The following PDE7B variants were observed in gnomAD, a reference collection of about 807,000 sequenced individuals.
PDE7B encodes the protein phosphodiesterase 7B.
In PDE7B, 29 loss-of-function variants were observed where a neutral mutation model predicts 56.2. The ratio of observed to expected loss-of-function variants is 0.52; its 90% CI spans 0.38 to 0.70. The LOEUF (loss-of-function observed/expected upper bound fraction) is 0.70, where lower values mean the gene tolerates loss of function less well. PDE7B is among the 30% of genes least tolerant of loss of function. The pLI, the probability that PDE7B is intolerant of heterozygous loss-of-function variation, is 0.00. For missense variants in PDE7B, 490 were observed against 565.0 expected, an observed-to-expected ratio of 0.87 and a Z score of 1.35; for synonymous variants, 197 against 196.9, an observed-to-expected ratio of 1.00 and a Z score of 0.00.
intron 2 of PDE7B, among the ~76,000 whole-genome samples, chr6:135,976,765 T>C (rs1775193435): frequency 6.6e-6 from 1 of 152,204 alleles, no homozygotes; most frequent in African/African-American, 2.4e-5. Context: ...CAGTCTGATC[T>C]GCAAATAGTA....
In PDE7B at chr6:136,129,510, C is replaced by T. The variant is rs1432025178; in HGVS notation, c.167-17841C>T. Among the ~76,000 whole-genome samples, 3 of 152,310 alleles carry T rather than the reference C, an allele frequency of 2.0e-5. No individual in the cohort carries two copies. In the South Asian group the frequency reaches 6.2e-4, roughly 32 times the overall value. On this transcript the variant is annotated intron_variant, in intron 3 of 12. Transcript: ENST00000308191. Reference sequence around the variant, plus strand: ...ACCACACCCCTCCCCACTCCCCACCCGAAGGCCACTGTTTTTGGCTCTTGC... The same window carrying T: ...ACCACACCCCTCCCCACTCCCCACCTGAAGGCCACTGTTTTTGGCTCTTGC...
chr6:136,071,878 G>A (rs1777055300), intron 2 of PDE7B, among the ~76,000 whole-genome samples: 1 of 152,184 alleles, frequency 6.6e-6, no homozygotes, highest in Admixed American at 6.5e-5. Flanking sequence ...GGTACACAGT[G>A]CAGTAACAAG....
At chr6:135,930,302 C>T (rs963586625) in intron 1 of PDE7B, among the ~76,000 whole-genome samples, 1 of 152,118 alleles carries the variant, frequency 6.6e-6, no homozygotes, top group Non-Finnish European at 1.5e-5. Flanking sequence ...CAGTTATCTC[C>T]CACTGGGTCC....
rs1391178480 is a variant in PDE7B, at chr6:136,193,700, A to G, written c.*1860A>G. 1.3e-5 allele frequency: 2 copies of G among 152,218 alleles called. No individual in the cohort carries two copies. The highest frequency in any genetic ancestry group is 2.9e-5 in the Non-Finnish European group (2 of 68,048). 9.4% of individuals were successfully genotyped at this position (152,218 alleles called of 1,614,324 possible). On this transcript the variant is annotated 3_prime_UTR_variant, in exon 13 of 13. Transcript: ENST00000308191. Reference sequence around the variant, plus strand: ...TCATGCTGATAGAATGACAGCTAGCACTTATTTCCTAAGTGCAACTGTTTT... The same window carrying G: ...TCATGCTGATAGAATGACAGCTAGCGCTTATTTCCTAAGTGCAACTGTTTT...
chr6:135,860,576 T>C (rs922014371), intron 1 of PDE7B, among the ~76,000 whole-genome samples: 47 of 152,128 alleles, frequency 3.1e-4, no homozygotes, highest in African/African-American at 1.1e-3. Context: ...TCTGTGACCA[T>C]GAAGAAGTTA....
intron 1 of PDE7B, among the ~76,000 whole-genome samples, chr6:135,929,784 G>A (rs1224126997): frequency 6.6e-6 from 1 of 152,192 alleles, no homozygotes; most frequent in African/African-American, 2.4e-5. Context: ...TGACAGAACA[G>A]TGGAGGTTCA....
chr6:135,875,036 T>C (rs1347197274), intron 1 of PDE7B, among the ~76,000 whole-genome samples: 9 of 152,020 alleles, frequency 5.9e-5, no homozygotes, highest in Non-Finnish European at 1.5e-5. Context: ...TATTAAAAGC[T>C]TCTATTCCAG....
At chr6:135,969,603 A>G (rs1403047700) in intron 2 of PDE7B, among the ~76,000 whole-genome samples, 1 of 152,094 alleles carries the variant, frequency 6.6e-6, no homozygotes, top group Non-Finnish European at 1.5e-5. Context: ...CTTCCTTACA[A>G]CTTATACAAA....
chr6:136,143,399 A>C (rs1221011811), intron 3 of PDE7B, among the ~76,000 whole-genome samples: 1 of 151,990 alleles, frequency 6.6e-6, no homozygotes, highest in Non-Finnish European at 1.5e-5. Context: ...GGCTAGAGTC[A>C]GGGGAATGAG....
chr6:136,001,250 G>A (rs1775663686), intron 2 of PDE7B, among the ~76,000 whole-genome samples: 1 of 152,216 alleles, frequency 6.6e-6, no homozygotes, highest in Non-Finnish European at 1.5e-5. Flanking sequence ...AAGATGGGGA[G>A]AAAACAGAGC....
chr6:135,938,699 G>A (rs1489019629), intron 1 of PDE7B, among the ~76,000 whole-genome samples: 1 of 152,142 alleles, frequency 6.6e-6, no homozygotes, highest in Non-Finnish European at 1.5e-5. Flanking sequence ...TGCATGACTT[G>A]GAGAGTGCAA....
At chr6:136,166,479 G>A in intron 8 of PDE7B, 1 of 156,278 alleles carries the variant, frequency 6.4e-6, no homozygotes, top group Non-Finnish European at 1.4e-5. Context: ...CATCTGCTTG[G>A]CTTCTGGGGA....
intron 3 of PDE7B, among the ~76,000 whole-genome samples, chr6:136,139,199 T>C (rs917958405): frequency 2.0e-5 from 3 of 152,176 alleles, no homozygotes; most frequent in African/African-American, 7.2e-5. Context: ...AATTCCCACC[T>C]ATGAGTGAGA....
intron 2 of PDE7B, among the ~76,000 whole-genome samples, chr6:136,067,156 A>G (rs1776954259): frequency 6.6e-6 from 1 of 152,074 alleles, no homozygotes; most frequent in Non-Finnish European, 1.5e-5. Flanking sequence ...CAACACAACA[A>G]CCATGTTTTT....
chr6:135,873,599 A>G (rs1317293897), intron 1 of PDE7B, among the ~76,000 whole-genome samples: 1 of 152,146 alleles, frequency 6.6e-6, no homozygotes, highest in Non-Finnish European at 1.5e-5. Flanking sequence ...GTAGGCATAT[A>G]TGATTGATTT....
chr6:136,127,163 GT>G (rs1778037116), intron 3 of PDE7B, among the ~76,000 whole-genome samples: 1 of 152,042 alleles, frequency 6.6e-6, no homozygotes, highest in Non-Finnish European at 1.5e-5. Context: ...AAAATTGAAG[GT>G]GATACAGGAC....
chr6:136,076,499 G>A (rs1004968003), intron 2 of PDE7B, among the ~76,000 whole-genome samples: 3 of 152,022 alleles, frequency 2.0e-5, no homozygotes, highest in Non-Finnish European at 4.4e-5. Context: ...GCTAATGTGT[G>A]CCCCCAAAAC....
intron 11 of PDE7B, among the ~76,000 whole-genome samples, chr6:136,183,125 T>A (rs1212983128): frequency 6.7e-6 from 1 of 149,176 alleles, no homozygotes; most frequent in Non-Finnish European, 1.5e-5. Flanking sequence ...GTCCTAGTAA[T>A]ATATGCATGC....
intron 2 of PDE7B, among the ~76,000 whole-genome samples, chr6:136,090,089 G>A (rs1191087156): frequency 2.0e-5 from 3 of 152,058 alleles, no homozygotes; most frequent in African/African-American, 7.3e-5. Flanking sequence ...AACTCAAAAA[G>A]TGCTGTATTA....
Sources: allele counts gnomAD v4.1 joint callset (sites outside exome capture counted in the v4.1 genomes callset), GRCh38; gene constraint gnomAD v4.1.1; transcripts MANE v1.5; gene names NCBI Gene and HGNC (gene_info 2026-07-23, HGNC 2026-07-21).